Variants in PRKN observed in about 807,000 individuals in gnomAD.
PRKN encodes the protein parkin RBR E3 ubiquitin protein ligase.
In PRKN, 56 loss-of-function variants were observed where a neutral mutation model predicts 59.5. The ratio of observed to expected loss-of-function variants is 0.94; its 90% CI spans 0.76 to 1.18. PRKN has a LOEUF of 1.18. PRKN is among the 50% of genes most tolerant of loss of function. The pLI, the probability that PRKN is intolerant of heterozygous loss-of-function variation, is 0.00. For synonymous variants in PRKN, 250 were observed against 222.1 expected (o/e 1.13, Z -1.12); for missense variants, 657 against 596.4 (o/e 1.10, Z -1.06).
chr6:162,147,344 G>GAAAAAA (rs767653516), intron 4 of PRKN, among the ~76,000 whole-genome samples: 13 of 41,994 alleles, frequency 3.1e-4, no homozygotes, highest in Admixed American at 5.5e-4. Flanking sequence ...CTCTGTCTCA[G>GAAAAAA]AAAAAAAAAA....
At chr6:161,604,826 G>A (rs1026385380) in intron 7 of PRKN, among the ~76,000 whole-genome samples, 1 of 152,084 alleles carries the variant, frequency 6.6e-6, no homozygotes, top group African/African-American at 2.4e-5. Context: ...TTCCAGCTAC[G>A]CAGGAGGCTG....
At chr6:162,549,851 C>T (rs1779266178) in intron 1 of PRKN, among the ~76,000 whole-genome samples, 1 of 152,118 alleles carries the variant, frequency 6.6e-6, no homozygotes, top group South Asian at 2.1e-4. Context: ...GTTGGCCAGG[C>T]TGTCTCCAAC....
intron 7 of PRKN, among the ~76,000 whole-genome samples, chr6:161,719,170 G>A (rs911184811): frequency 4.6e-5 from 7 of 151,694 alleles, no homozygotes; most frequent in African/African-American, 1.7e-4. Flanking sequence ...CAACATTCTC[G>A]AGTCTCTCCT....
chr6:162,721,472 T>G (rs1778940524), intron 1 of PRKN, among the ~76,000 whole-genome samples: 2 of 152,174 alleles, frequency 1.3e-5, no homozygotes, highest in African/African-American at 4.8e-5. Flanking sequence ...TGACAAAGCT[T>G]ATCTGGTGTG....
chr6:162,457,872 G>C (rs1347697600), intron 1 of PRKN, among the ~76,000 whole-genome samples: 2 of 151,742 alleles, frequency 1.3e-5, no homozygotes, highest in African/African-American at 4.8e-5. Flanking sequence ...TGTAATCCCA[G>C]CACTTTGGGA....
chr6:162,582,163 A>C (rs73595908), intron 1 of PRKN, among the ~76,000 whole-genome samples: 2 of 152,188 alleles, frequency 1.3e-5, no homozygotes, highest in Non-Finnish European at 2.9e-5. Flanking sequence ...TTACATATCC[A>C]TCTGAGAAGA....
At chr6:162,310,553 A>C (rs6926489) in intron 2 of PRKN, among the ~76,000 whole-genome samples, 5,809 of 151,996 alleles carry the variant, frequency 0.038, 351 homozygotes, top group African/African-American at 0.13. Flanking sequence ...AGTCTAAAGG[A>C]AGAAATTTCT....
intron 7 of PRKN, among the ~76,000 whole-genome samples, chr6:161,633,957 C>T (rs545954669): frequency 2.7e-5 from 4 of 148,900 alleles, no homozygotes; most frequent in East Asian, 2.1e-4. Flanking sequence ...TCTGTGTGTA[C>T]GTCACATGAG....
chr6:161,433,910 G>A lies in PRKN; in HGVS notation c.1084-47033C>T, dbSNP rs139467474. On this transcript the variant is annotated intron_variant, in intron 9 of 11. Transcript: ENST00000366898. ...CACACGTCTGTAATCCCAGCTACTC[G>A]GGAGGCTGAGAGAGGAGAATTATCT... 6.7e-3 allele frequency among the ~76,000 whole-genome samples: 1,016 copies of A among 152,054 alleles called. 11 individuals carry two copies. Among genetic ancestry groups the A allele is most frequent in the African/African-American group, 0.023 (963 of 41,436 alleles).
At chr6:161,992,862 G>A (rs1295404044) in intron 5 of PRKN, among the ~76,000 whole-genome samples, 1 of 152,104 alleles carries the variant, frequency 6.6e-6, no homozygotes, top group Non-Finnish European at 1.5e-5. Flanking sequence ...TGACCATTAG[G>A]TCAAGGAAGA....
At chr6:162,030,040 A>C (rs1419778047) in intron 5 of PRKN, among the ~76,000 whole-genome samples, 1 of 152,074 alleles carries the variant, frequency 6.6e-6, no homozygotes, top group Non-Finnish European at 1.5e-5. Context: ...GGCTCTCTCT[A>C]TGTTGCCTAT....
intron 4 of PRKN, among the ~76,000 whole-genome samples, chr6:162,080,790 T>C (rs1447066706): frequency 6.6e-6 from 1 of 152,080 alleles, no homozygotes; most frequent in African/African-American, 2.4e-5. Flanking sequence ...CTTCATTTCA[T>C]AAAAGATTTC....
intron 6 of PRKN, among the ~76,000 whole-genome samples, chr6:161,941,723 G>A (rs1043651440): frequency 6.6e-6 from 1 of 152,156 alleles, no homozygotes; most frequent in Non-Finnish European, 1.5e-5. Flanking sequence ...AGCCCTGTCT[G>A]TATGCTCCCC....
rs555032624 is a variant in PRKN, at chr6:162,192,048, G to A, written c.534+9083C>T. 7.9e-5 allele frequency among the ~76,000 whole-genome samples: 12 copies of A among 152,204 alleles called. No homozygotes were observed. In the South Asian group the frequency reaches 2.5e-3, roughly 32 times the overall value. On this transcript the variant is annotated intron_variant, in intron 4 of 11. Transcript: ENST00000366898. ...TGAAACAATAAGACATATGAAAAAC[G>A]TTCTTTAGAGAACCTTATTTTTTCT... is the stretch of plus-strand genomic sequence containing the variant.
intron 1 of PRKN, among the ~76,000 whole-genome samples, chr6:162,723,542 T>C (rs1204407056): frequency 1.3e-5 from 2 of 152,162 alleles, no homozygotes; most frequent in East Asian, 3.9e-4. Context: ...AGGACGTCTT[T>C]TGGCAATTTT....
chr6:162,210,119 A>AAATAAAATAAAATAC (rs1562582918), intron 3 of PRKN, among the ~76,000 whole-genome samples: 1 of 151,572 alleles, frequency 6.6e-6, no homozygotes, highest in Non-Finnish European at 1.5e-5. Flanking sequence ...AAATAAAATA[A>AAATAAAATAAAATAC]AATAAAATAA....
rs750472004 is a variant in PRKN at position 161,353,844 on chromosome 6, C to T, written c.1286-3633G>A. ...TCAGACACTATTTCCTGGTAGACAG[C>T]GCCAGGGTTGAAGAGCAGGACACTC... On this transcript the variant is annotated intron_variant, in intron 11 of 11. Coordinates refer to ENST00000366898, the MANE Select transcript of PRKN (RefSeq NM_004562.3). The surrounding 1 kb of genome is among the most constrained non-coding windows in gnomAD (Gnocchi z 4.8). Among the ~76,000 whole-genome samples the T allele has an allele frequency of 6.6e-6, 1 of 152,098 alleles. No homozygotes were observed. The highest frequency in any genetic ancestry group is 6.5e-5 in the Admixed American group (1 of 15,268).
In PRKN at chr6:161,554,999, A is replaced by T. The variant is rs956647840; in HGVS notation, c.934-5996T>A. Among the ~76,000 whole-genome samples, 1 of 152,106 alleles carries T rather than the reference A, an allele frequency of 6.6e-6. No homozygotes were observed. Among genetic ancestry groups the T allele is most frequent in the Non-Finnish European group, 1.5e-5 (1 of 68,020 alleles). ...TCAATTTTCACAAGCATACTGTGTC[A>T]GGAAAGTTGTACTGAATTTAGTTTT... On this transcript the variant is annotated intron_variant, in intron 8 of 11. Coordinates refer to ENST00000366898, the MANE Select transcript of PRKN (RefSeq NM_004562.3). The surrounding 1 kb of genome is among the most constrained non-coding windows in gnomAD (Gnocchi z 4.5).
At chr6:161,956,793 A>G (rs1480354170) in intron 6 of PRKN, among the ~76,000 whole-genome samples, 2 of 152,152 alleles carry the variant, frequency 1.3e-5, no homozygotes, top group African/African-American at 4.8e-5. Flanking sequence ...TGATGGAGTC[A>G]TCCTATTTCG....
Sources: allele counts gnomAD v4.1 joint callset (sites outside exome capture counted in the v4.1 genomes callset), GRCh38; gene constraint gnomAD v4.1.1; non-coding constraint Gnocchi (gnomAD v3.1); transcripts MANE v1.5; gene names NCBI Gene and HGNC (gene_info 2026-07-23, HGNC 2026-07-21).